The following EBF3 variants were observed in gnomAD, a reference collection of about 807,000 sequenced individuals.
EBF3 encodes EBF transcription factor 3.
Under a neutral mutation model 77.1 loss-of-function variants are expected in EBF3, and 18 were observed. That is an observed-to-expected ratio of 0.23 (90% confidence interval 0.16 to 0.35). EBF3 has a LOEUF of 0.35. Among genes scored for constraint, EBF3 ranks in the 10% least tolerant of loss-of-function variants. The pLI, the probability that EBF3 is intolerant of heterozygous loss-of-function variation, is 1.00. For missense variants in EBF3, 558 were observed against 860.0 expected (o/e 0.65, Z 4.39); for synonymous variants, 350 against 343.5 (o/e 1.02, Z -0.21).
At chr10:129,937,463 T>A (rs1046306768) in intron 6 of EBF3, among the ~76,000 whole-genome samples, 4 of 152,080 alleles carry the variant, frequency 2.6e-5, no homozygotes, top group African/African-American at 9.7e-5. Flanking sequence ...TGTCACATGC[T>A]CCTGCCCTCA....
rs1448731447 is a variant in EBF3 at position 129,947,273 on chromosome 10, G to A, written c.554+9985C>T. On this transcript the variant is annotated intron_variant, in intron 6 of 16. Transcript: ENST00000440978. This position sits in a 1 kb window ranked among gnomAD's most constrained non-coding sequence, Gnocchi z 4.5. ...CTAATGGGAAACAAATGCTGTGGGT[G>A]TGAATTCATACTTAACCATAAAAAC... Among the ~76,000 whole-genome samples, 1 of 152,216 alleles carries A rather than the reference G, an allele frequency of 6.6e-6. No homozygotes were observed. The highest frequency in any genetic ancestry group is 1.5e-5 in the Non-Finnish European group (1 of 68,044).
Position 129,867,765 on chromosome 10 carries a change from C to T in EBF3, c.912+17G>A, listed in dbSNP as rs776807190. 39 of 1,597,556 alleles carry T rather than the reference C, an allele frequency of 2.4e-5. No individual in the cohort carries two copies. The East Asian group carries it at 3.4e-4, about 14-fold the overall frequency. On this transcript the variant is annotated intron_variant, in intron 9 of 16. Transcript: ENST00000440978. ...AAGACAGCAACAGCGCGAAGCTGAC[C>T]GAGTCCGCGGGCTTACCTCGCTCCA...
At chr10:129,868,103 G>C (rs1328064566) in intron 8 of EBF3, among the ~76,000 whole-genome samples, 191 bp from the exon 9 acceptor site, 1 of 152,272 alleles carries the variant, frequency 6.6e-6, no homozygotes, top group Non-Finnish European at 1.5e-5. Context: ...TTTTATAAAG[G>C]AAAGGCCGAG....
chr10:129,913,617 T>C (rs1855673728), intron 6 of EBF3, among the ~76,000 whole-genome samples: 1 of 152,220 alleles, frequency 6.6e-6, no homozygotes, highest in Admixed American at 6.5e-5. Context: ...TTCCCTGAAA[T>C]GTATTCCTTG....
chr10:129,963,672 T>C lies in EBF3; in HGVS notation c.97A>G (p.Thr33Ala), dbSNP rs148358530. The change falls in exon 1 of 17, where the codon ACG becomes GCG. Residue 33 changes from threonine (T) to alanine (A), a missense_variant. Physicochemically the swap from Thr to Ala is moderately conservative, Grantham distance 58. This residue lies in a region of EBF3 where 64 missense variants were observed against 54.5 expected (regional missense o/e 1.18). Coordinates refer to ENST00000440978, the MANE Select transcript of EBF3 (RefSeq NM_001375380.1). The surrounding 1 kb of genome is among the most constrained non-coding windows in gnomAD (Gnocchi z 7.1). ...GTGTTGGCGTCCACCACGCCCGCCG[T>C]GTGCATCCACGAGCGCACCGGGTTC... ...GMNPVRSWMH[T>A]AGVVDANTAA... 839 of 1,510,788 alleles carry C rather than the reference T, an allele frequency of 5.6e-4. 1 individual carries two copies. The African/African-American group carries it at 0.011, about 19-fold the overall frequency. 93.6% of individuals were successfully genotyped at this position (1,510,788 alleles called of 1,614,324 possible).
At chr10:129,890,885 G>A (rs1853973954) in intron 6 of EBF3, among the ~76,000 whole-genome samples, 1 of 152,172 alleles carries the variant, frequency 6.6e-6, no homozygotes, top group East Asian at 1.9e-4. Flanking sequence ...AATTTGTTGT[G>A]AGACCGCGCT....
At chr10:129,888,011 C>G (rs953891703) in intron 6 of EBF3, among the ~76,000 whole-genome samples, 1 of 152,150 alleles carries the variant, frequency 6.6e-6, no homozygotes, top group African/African-American at 2.4e-5. Context: ...TTATTTTTCT[C>G]CAATTGTTCA....
chr10:129,940,826 C>A (rs1206026056), intron 6 of EBF3, among the ~76,000 whole-genome samples: 1 of 152,176 alleles, frequency 6.6e-6, no homozygotes, highest in Non-Finnish European at 1.5e-5. Context: ...GAGGGCACCG[C>A]CCACCCCGGA....
chr10:129,954,001 T>C (rs1444815999), intron 6 of EBF3, among the ~76,000 whole-genome samples: 1 of 152,200 alleles, frequency 6.6e-6, no homozygotes, highest in East Asian at 1.9e-4. Flanking sequence ...GACCATCTGC[T>C]TTTGTGTTTT....
chr10:129,930,246 C>T (rs1373788104), intron 6 of EBF3, among the ~76,000 whole-genome samples: 1 of 152,204 alleles, frequency 6.6e-6, no homozygotes, highest in East Asian at 1.9e-4. Flanking sequence ...GGGTCTCCAG[C>T]TTGCAGGCAA....
rs888774296 is a variant in EBF3 at position 129,836,908 on chromosome 10, A to G, written c.*1035T>C. 6.5e-6 allele frequency: 1 copy of G among 152,694 alleles called. No individual in the cohort carries two copies. The highest frequency in any genetic ancestry group is 6.5e-5 in the Admixed American group (1 of 15,286). The allele number at this position is 152,694 out of a possible 1,614,324, so 9.5% of individuals were successfully genotyped here. ...GGAAAGTAAGTGTCAAATGAAGACC[A>G]TTTTATTCCTTATAAGACACATAAG... On this transcript the variant is annotated 3_prime_UTR_variant, in exon 17 of 17. Transcript: ENST00000440978.
intron 6 of EBF3, among the ~76,000 whole-genome samples, chr10:129,937,739 C>T (rs1170093682): frequency 2.6e-5 from 4 of 152,140 alleles, no homozygotes; most frequent in Non-Finnish European, 5.9e-5. Flanking sequence ...CACCCCCAGG[C>T]CAACCTGTCC....
intron 11 of EBF3, among the ~76,000 whole-genome samples, chr10:129,843,749 AT>A (rs1850257728): frequency 6.6e-6 from 1 of 152,242 alleles, no homozygotes; most frequent in South Asian, 2.1e-4. Flanking sequence ...AATAAAGTGA[AT>A]TAACTTGGGT....
At chr10:129,878,090 G>A (rs183661725) in intron 6 of EBF3, among the ~76,000 whole-genome samples, 1 of 152,238 alleles carries the variant, frequency 6.6e-6, no homozygotes, top group East Asian at 1.9e-4. Context: ...CAAGCTTTAT[G>A]ATAATAGCTG....
At chr10:129,858,400 G>T (rs1412214630) in intron 10 of EBF3, among the ~76,000 whole-genome samples, 1 of 152,236 alleles carries the variant, frequency 6.6e-6, no homozygotes, top group Admixed American at 6.5e-5. Context: ...TCCATCGTAA[G>T]AGCCCTGGAG....
chr10:129,871,472 G>T (rs1278396039), intron 8 of EBF3, among the ~76,000 whole-genome samples: 1 of 152,180 alleles, frequency 6.6e-6, no homozygotes, highest in Non-Finnish European at 1.5e-5. Context: ...GGATAATGAG[G>T]TGTTAGCTAG....
chr10:129,842,175 T>C lies in EBF3; in HGVS notation c.1313A>G (p.Asn438Ser), dbSNP rs1462241593. Residue 438 changes from asparagine (N) to serine (S), a missense_variant, in exon 13 of 17, where the codon AAC (asparagine) becomes AGC (serine). Around this residue, in one of 5 missense-constraint regions of EBF3, gnomAD observed 284 missense variants for 368.3 expected, o/e 0.77. Coordinates refer to ENST00000440978, the MANE Select transcript of EBF3 (RefSeq NM_001375380.1). The surrounding 1 kb of genome is among the most constrained non-coding windows in gnomAD (Gnocchi z 4.4). ...NPAHTGMMGV[N>S]SFSSQLAVNV... The stretch of plus-strand genomic sequence containing the variant: ...GACGGCTAGCTGGCTGCTGAAGGAG[T>C]TGACGCCCATCATGCCCGTGTGTGC... The C allele has an allele frequency of 6.2e-7, 1 of 1,613,978 alleles. No homozygotes were observed. Among genetic ancestry groups the C allele is most frequent in the Non-Finnish European group, 8.5e-7 (1 of 1,179,984 alleles).
At chr10:129,840,558 T>A (rs888496228) in intron 14 of EBF3, 116 bp from the exon 15 acceptor site, 10 of 1,202,070 alleles carry the variant, frequency 8.3e-6, no homozygotes, top group Non-Finnish European at 1.2e-5. Context: ...AAACATGACA[T>A]GCGTCTGGCT....
intron 6 of EBF3, among the ~76,000 whole-genome samples, chr10:129,886,051 T>C (rs1268431021): frequency 1.5e-5 from 1 of 68,234 alleles, no homozygotes; most frequent in Non-Finnish European, 3.0e-5. Context: ...TTTTTTTTTT[T>C]TTTTTTTTTT....
Sources: gnomAD v4.1 joint callset for allele counts (sites outside exome capture counted in the v4.1 genomes callset) on GRCh38, gnomAD v4.1.1 for gene constraint, gnomAD v4.1.1 regional missense constraint, Gnocchi (gnomAD v3.1) non-coding constraint, MANE v1.5 for transcripts, NCBI Gene and HGNC (gene_info 2026-07-23, HGNC 2026-07-21) for gene names.